EEFSEC: variants seen among roughly 807,000 people sequenced by gnomAD.
EEFSEC encodes the protein eukaryotic elongation factor, selenocysteine-tRNA specific.
In EEFSEC, 43 loss-of-function variants were observed where a neutral mutation model predicts 42.1. The ratio of observed to expected loss-of-function variants is 1.02; its 90% confidence interval spans 0.80 to 1.32. EEFSEC has a LOEUF of 1.32. EEFSEC is among the 40% of genes most tolerant of loss of function. The probability of loss-of-function intolerance (pLI) is 0.00; values close to 1 mark genes in which losing one functional copy is unlikely to be tolerated. For synonymous variants in EEFSEC, 354 were observed against 339.1 expected, an observed-to-expected ratio of 1.04 and a Z score of -0.48; for missense variants, 745 against 803.6, an observed-to-expected ratio of 0.93 and a Z score of 0.88.
At chr3:128,382,272 C>T (rs973785990) in intron 6 of EEFSEC, among the ~76,000 whole-genome samples, 3 of 152,210 alleles carry the variant, frequency 2.0e-5, no homozygotes, top group Admixed American at 2.0e-4. Flanking sequence ...AAATTGGATG[C>T]CAACCAAGCC....
intron 4 of EEFSEC, among the ~76,000 whole-genome samples, chr3:128,295,771 T>C (rs2066698997): frequency 6.6e-6 from 1 of 151,784 alleles, no homozygotes; most frequent in Non-Finnish European, 1.5e-5. Flanking sequence ...TGGACCCTGC[T>C]CTCCTCATTT....
chr3:128,185,297 A>G (rs909398087), intron 1 of EEFSEC, among the ~76,000 whole-genome samples: 1 of 152,112 alleles, frequency 6.6e-6, no homozygotes, highest in Admixed American at 6.5e-5. Context: ...ATTTTAATTT[A>G]TTCATCATTT....
chr3:128,339,299 C>T (rs564348949), intron 4 of EEFSEC, among the ~76,000 whole-genome samples: 25 of 152,268 alleles, frequency 1.6e-4, no homozygotes, highest in Non-Finnish European at 2.8e-4. Context: ...GCTCATGGGC[C>T]ATTAGCAACA....
At chr3:128,166,890 G>T (rs766136787) in intron 1 of EEFSEC, among the ~76,000 whole-genome samples, 1 of 152,060 alleles carries the variant, frequency 6.6e-6, no homozygotes, top group East Asian at 1.9e-4. Flanking sequence ...CCCTCACATA[G>T]TCTCCTTGAT....
intron 4 of EEFSEC, among the ~76,000 whole-genome samples, chr3:128,291,491 C>T (rs1441077410): frequency 1.3e-5 from 2 of 152,180 alleles, no homozygotes; most frequent in African/African-American, 2.4e-5. Context: ...CAAGAAGGCC[C>T]TTGCAAGATG....
intron 1 of EEFSEC, among the ~76,000 whole-genome samples, chr3:128,223,484 G>T (rs1345020646): frequency 6.6e-6 from 1 of 152,158 alleles, no homozygotes; most frequent in Non-Finnish European, 1.5e-5. Flanking sequence ...GCTGGGGACT[G>T]TACCCTTAAG....
At chr3:128,416,170 G>T in the EEFSEC span, among the ~76,000 whole-genome samples, 5 of 152,156 alleles carry the variant, frequency 3.3e-5, no homozygotes, top group South Asian at 2.1e-4. Context: ...GCCGGAAGGT[G>T]GGGGAGGGGC....
At chr3:128,328,026 T>G (rs1424247776) in intron 4 of EEFSEC, among the ~76,000 whole-genome samples, 1 of 152,152 alleles carries the variant, frequency 6.6e-6, no homozygotes, top group Non-Finnish European at 1.5e-5. Flanking sequence ...CACTGAGGAC[T>G]TGGTACTTAC....
intron 1 of EEFSEC, among the ~76,000 whole-genome samples, chr3:128,183,555 G>A (rs1455537512): frequency 6.6e-6 from 1 of 152,220 alleles, no homozygotes; most frequent in Non-Finnish European, 1.5e-5. Flanking sequence ...TTCTTACGGT[G>A]CTTATTGGAA....
chr3:128,167,942 C>A (rs2065257898), intron 1 of EEFSEC, among the ~76,000 whole-genome samples: 1 of 152,176 alleles, frequency 6.6e-6, no homozygotes, highest in South Asian at 2.1e-4. Context: ...TTTGGTAATT[C>A]TTCTGCCTCT....
At chr3:128,400,065 C>CT (rs2068031147) in intron 6 of EEFSEC, among the ~76,000 whole-genome samples, 1 of 152,190 alleles carries the variant, frequency 6.6e-6, no homozygotes, top group African/African-American at 2.4e-5. Context: ...CACTTCTGCC[C>CT]TTGCCAGGTT....
At chr3:128,186,275 T>C (rs1193154753) in intron 1 of EEFSEC, among the ~76,000 whole-genome samples, 2 of 152,212 alleles carry the variant, frequency 1.3e-5, no homozygotes, top group East Asian at 1.9e-4. Context: ...AAAAATTGAG[T>C]TGGCTTTTTA....
chr3:128,278,931 C>T (rs1305274387), intron 4 of EEFSEC, among the ~76,000 whole-genome samples: 1 of 152,188 alleles, frequency 6.6e-6, no homozygotes, highest in Non-Finnish European at 1.5e-5. Context: ...GCTGCTGCTG[C>T]GAAACAAACC....
chr3:128,410,578 G>A (rs964541184), downstream of EEFSEC, among the ~76,000 whole-genome samples: 3 of 152,164 alleles, frequency 2.0e-5, no homozygotes, highest in East Asian at 1.9e-4. Context: ...CCCTGCCTGC[G>A]GTGTGAGCTT....
intron 6 of EEFSEC, among the ~76,000 whole-genome samples, chr3:128,365,141 C>T (rs2067574424): frequency 6.6e-6 from 1 of 152,214 alleles, no homozygotes; most frequent in African/African-American, 2.4e-5. Context: ...TCCTCTGTCC[C>T]TCATCACAAT....
intron 4 of EEFSEC, among the ~76,000 whole-genome samples, chr3:128,333,304 C>G (rs1046249047): frequency 6.6e-6 from 1 of 152,186 alleles, no homozygotes; most frequent in Non-Finnish European, 1.5e-5. Context: ...GGAGGGACCC[C>G]CCAACACTGC....
At chr3:128,318,246 C>T (rs752839547) in intron 4 of EEFSEC, among the ~76,000 whole-genome samples, 10 of 152,210 alleles carry the variant, frequency 6.6e-5, no homozygotes, top group Non-Finnish European at 1.3e-4. Flanking sequence ...AGTTGTTGCT[C>T]GACTAGTGGC....
chr3:128,407,532 G>A (rs2068131791), intron 6 of EEFSEC, among the ~76,000 whole-genome samples: 1 of 152,170 alleles, frequency 6.6e-6, no homozygotes, highest in Non-Finnish European at 1.5e-5. Context: ...CCCACTGAGG[G>A]CAGGTGGGGG....
Position 128,382,102 on chromosome 3 carries a change from G to C in EEFSEC, c.1600+23729G>C, listed in dbSNP as rs552120867. On this transcript the variant is annotated intron_variant, in intron 6 of 6. Coordinates refer to ENST00000254730, the MANE Select transcript of EEFSEC (RefSeq NM_021937.5). ...CTGAGTCTCCTGCTCTCTAGAATGG[G>C]GGCTATGACGCCCAGCTCCTGGGGT... is the stretch of plus-strand genomic sequence containing the variant. Among the ~76,000 whole-genome samples the C allele has an allele frequency of 5.2e-3, 799 of 152,320 alleles. 3 individuals are homozygous for C. The highest frequency in any genetic ancestry group is 0.01 in the Admixed American group (156 of 15,306).
Sources: allele counts gnomAD v4.1 joint callset (sites outside exome capture counted in the v4.1 genomes callset), GRCh38; gene constraint gnomAD v4.1.1; transcripts MANE v1.5; gene names NCBI Gene and HGNC (gene_info 2026-07-23, HGNC 2026-07-21).